Variants in HIPK1 observed in about 807,000 individuals in gnomAD.
HIPK1 encodes the protein homeodomain-interacting protein kinase 1.
Under a neutral mutation model 117.1 loss-of-function variants are expected in HIPK1, and 28 were observed. That is an observed-to-expected ratio of 0.24 (90% CI 0.18 to 0.33). HIPK1 has a LOEUF of 0.33. Ranked by LOEUF, HIPK1 falls within the 10% of genes least tolerant of loss-of-function variation. HIPK1 has a pLI of 1.00. For missense variants in HIPK1, 1,122 were observed against 1,475.1 expected (o/e 0.76, Z 3.92); for synonymous variants, 605 against 562.5 (o/e 1.08, Z -1.07).
At chr1:113,967,727 T>C (rs1209317555) in intron 11 of HIPK1, 39 bp from the exon 12 acceptor site, 3 of 1,403,278 alleles carry the variant, frequency 2.1e-6, no homozygotes, top group African/African-American at 1.5e-5. Flanking sequence ...TCTTCAGTGG[T>C]TTTGGAATTC....
intron 8 of HIPK1, among the ~76,000 whole-genome samples, chr1:113,961,402 A>C (rs1270915487): frequency 6.6e-6 from 1 of 152,230 alleles, no homozygotes; most frequent in Non-Finnish European, 1.5e-5. Context: ...TGCTTTTAAA[A>C]TATTCTTATC....
At position 113,972,650 on chromosome 1, in the gene HIPK1, G is replaced by A. The variant is rs369310441; in HGVS notation, c.3145-374G>A. On this transcript the variant is annotated intron_variant, in intron 15 of 15. Coordinates refer to ENST00000426820, the MANE Select transcript of HIPK1 (RefSeq NM_198268.3). ...CAAGAGGGGTATGAAGAACTTAGAG[G>A]ACGAAAACAAAAGAAAGCAATGGTA... is the stretch of plus-strand genomic sequence containing the variant. Among the ~76,000 whole-genome samples, 142 of 152,234 alleles carry A rather than the reference G, an allele frequency of 9.3e-4. 1 individual carries two copies. Among genetic ancestry groups the A allele is most frequent in the African/African-American group, 3.3e-3 (135 of 41,530 alleles).
chr1:113,929,770 G>A (rs1669715447), intron 1 of HIPK1: 2 of 914,662 alleles, frequency 2.2e-6, no homozygotes, highest in Non-Finnish European at 2.6e-6. Flanking sequence ...AGGCTGAGGA[G>A]GCTCCCCCTG....
At chr1:113,929,562 A>G in intron 1 of HIPK1, 30 bp downstream of exon 1, 1 of 1,273,140 alleles carries the variant, frequency 7.9e-7, no homozygotes, top group Non-Finnish European at 1.0e-6. Context: ...GCGGGTGAAT[A>G]GTTCCGGCGA....
At chr1:113,938,929 TACACACACAC>T (rs55979020) in intron 1 of HIPK1, among the ~76,000 whole-genome samples, 3,679 of 115,470 alleles carry the variant, frequency 0.032, 77 homozygotes, top group Middle Eastern at 0.051. Context: ...AAAAAAAAAA[TACACACACAC>T]ACACACACAC....
At chr1:113,952,237 T>C (rs1571689355) in intron 2 of HIPK1, among the ~76,000 whole-genome samples, 2 of 149,460 alleles carry the variant, frequency 1.3e-5, no homozygotes, top group East Asian at 3.9e-4. Flanking sequence ...CTGTGCCCAG[T>C]TGACCAGGCC....
chr1:113,962,266 A>G, intron 8 of HIPK1, 51 bp from the exon 9 acceptor site: 3 of 1,578,572 alleles, frequency 1.9e-6, no homozygotes, highest in Non-Finnish European at 2.6e-6. Context: ...ATCTTAAAAC[A>G]GTACTCCCAG....
At position 113,961,942 on chromosome 1, in the gene HIPK1, C is replaced by CAAA. The variant is rs957986733; in HGVS notation, c.1982-350_1982-348dup. ...TGGGTGACAGAGCGAGACTCCATCT[C>CAAA]AAAAAAAAAAAAAAAAAAAAAAAAA... On this transcript the variant is annotated intron_variant, in intron 8 of 15. Transcript: ENST00000426820. Among the ~76,000 whole-genome samples, 61 of 32,308 alleles carry CAAA rather than the reference C, an allele frequency of 1.9e-3. 2 individuals carry two copies. The highest frequency in any genetic ancestry group is 5.1e-3 in the African/African-American group (53 of 10,340). The allele number at this position is 32,308 out of a possible 152,430, so 21.2% of individuals were successfully genotyped here.
intron 13 of HIPK1, among the ~76,000 whole-genome samples, chr1:113,969,729 G>C (rs1252621510): frequency 6.6e-6 from 1 of 152,024 alleles, no homozygotes; most frequent in Non-Finnish European, 1.5e-5. Flanking sequence ...GCGAAACATA[G>C]TGACATCTCA....
At chr1:113,935,421 T>C (rs1041826283) in intron 1 of HIPK1, among the ~76,000 whole-genome samples, 2 of 152,228 alleles carry the variant, frequency 1.3e-5, no homozygotes, top group African/African-American at 4.8e-5. Flanking sequence ...TTTTCTTTAG[T>C]CTACCATTGA....
At chr1:113,932,835 G>A (rs1669987829) in intron 1 of HIPK1, among the ~76,000 whole-genome samples, 1 of 151,580 alleles carries the variant, frequency 6.6e-6, no homozygotes, top group South Asian at 2.1e-4. Flanking sequence ...ACATCCTTTG[G>A]CATACTAGCA....
chr1:113,943,297 T>G (rs1315442102), intron 2 of HIPK1, among the ~76,000 whole-genome samples: 1 of 152,244 alleles, frequency 6.6e-6, no homozygotes, highest in Non-Finnish European at 1.5e-5. Context: ...TTCTCTCTTC[T>G]TCCTACCACT....
chr1:113,941,145 A>T lies in HIPK1; in HGVS notation c.762A>T (p.Ser254=). 1 of 1,614,268 alleles carries T rather than the reference A, an allele frequency of 6.2e-7. No individual in the cohort carries two copies. Among genetic ancestry groups the T allele is most frequent in the South Asian group, 1.1e-5 (1 of 91,092 alleles). The change falls in exon 2 of 16, where the codon TCA becomes TCT. Residue 254 remains serine, a synonymous_variant. Transcript: ENST00000426820. The surrounding 1 kb of genome is among the most constrained non-coding windows in gnomAD (Gnocchi z 4.9). ...ENADEYNFVR[S]YECFQHKNHT... ...CTGATGAGTATAATTTTGTCCGTTCATACGAGTGCTTTCAGCATAAGAATC... is the reference window on the plus strand; with the variant it reads ...CTGATGAGTATAATTTTGTCCGTTCTTACGAGTGCTTTCAGCATAAGAATC...
intron 2 of HIPK1, among the ~76,000 whole-genome samples, chr1:113,948,262 C>T (rs550508817): frequency 5.9e-5 from 9 of 152,178 alleles, no homozygotes; most frequent in African/African-American, 1.9e-4. Context: ...AGCAGCCTTA[C>T]TGCTTTTTTG....
chr1:113,977,779 A>G lies in HIPK1; in HGVS notation c.*4267A>G, dbSNP rs1673217341. The G allele has an allele frequency of 6.5e-6, 1 of 152,796 alleles. No homozygotes were observed. The highest frequency in any genetic ancestry group is 1.5e-5 in the Non-Finnish European group (1 of 68,042). The allele number at this position is 152,796 out of a possible 1,614,324, so 9.5% of individuals were successfully genotyped here. ...AATGTAGAGCAATTGCAATGCATCA[A>G]TAAAATGGGTAAATTTTCTGACTTA... On this transcript the variant is annotated 3_prime_UTR_variant, in exon 16 of 16. Coordinates refer to ENST00000426820, the MANE Select transcript of HIPK1 (RefSeq NM_198268.3).
At chr1:113,945,956 A>C (rs1670962063) in intron 2 of HIPK1, among the ~76,000 whole-genome samples, 1 of 152,186 alleles carries the variant, frequency 6.6e-6, no homozygotes, top group Admixed American at 6.5e-5. Context: ...GCTTAATAGT[A>C]AGTCAGTCCA....
chr1:113,973,873 TA>T lies in HIPK1; in HGVS notation c.*366del. ...CTGACTTGATTTCTATAAATGCTTT[TA>T]AAAACAAGTGAAGCCCCTCTTTATT... On this transcript the variant is annotated 3_prime_UTR_variant, in exon 16 of 16. Coordinates refer to ENST00000426820, the MANE Select transcript of HIPK1 (RefSeq NM_198268.3). The T allele has an allele frequency of 5.8e-6, 1 of 171,346 alleles. No individual in the cohort carries two copies. The highest frequency in any genetic ancestry group is 1.2e-5 in the Non-Finnish European group (1 of 81,322). The allele number at this position is 171,346 out of a possible 1,614,324, so 10.6% of individuals were successfully genotyped here.
intron 13 of HIPK1, among the ~76,000 whole-genome samples, chr1:113,969,102 A>G (rs1672654783): frequency 6.6e-6 from 1 of 151,918 alleles, no homozygotes; most frequent in Non-Finnish European, 1.5e-5. Context: ...GGTGTTGGGC[A>G]TACGGAAGAG....
intron 10 of HIPK1, 121 bp from the exon 11 acceptor site, chr1:113,966,009 G>T (rs1672419836): frequency 1.7e-5 from 16 of 932,210 alleles, no homozygotes; most frequent in Non-Finnish European, 2.5e-5. Flanking sequence ...TTTAATCTCT[G>T]CAAGTTAACA....
Sources: gnomAD v4.1 joint callset for allele counts (sites outside exome capture counted in the v4.1 genomes callset) on GRCh38, gnomAD v4.1.1 for gene constraint, Gnocchi (gnomAD v3.1) non-coding constraint, MANE v1.5 for transcripts, NCBI Gene and HGNC (gene_info 2026-07-23, HGNC 2026-07-21) for gene names.